KCNA7: variants seen among roughly 807,000 people sequenced by gnomAD.
KCNA7 encodes potassium channel, voltage gated shaker related subfamily A, member 7.
KCNA7 carries 15 observed loss-of-function variants against 21.5 expected under a neutral mutation model. The observed-to-expected ratio is 0.70, with a 90% CI of 0.47 to 1.07. The LOEUF (loss-of-function observed/expected upper bound fraction) is 1.07, where lower values mean the gene tolerates loss of function less well. KCNA7 is among the 50% of genes least tolerant of loss of function. The probability of loss-of-function intolerance (pLI) is 0.00; values close to 1 mark genes in which losing one functional copy is unlikely to be tolerated. For missense variants in KCNA7, 640 were observed against 651.6 expected (o/e 0.98, Z 0.19); for synonymous variants, 298 against 291.0 (o/e 1.02, Z -0.24).
chr19:49,070,395 C>T lies in KCNA7; in HGVS notation c.1039G>A (p.Glu347Lys). Reference sequence around the variant, plus strand: ...GTGACTACCGCCCACCAGAAGGACTCAGGGATGCTAGTGAAATGGGAGTCC... The same window carrying T: ...GTGACTACCGCCCACCAGAAGGACTTAGGGATGCTAGTGAAATGGGAGTCC... ...RVDSHFTSIP[E>K]SFWWAVVTMT... is the part of the protein sequence containing the mutation. Residue 347 changes from glutamate to lysine, a missense_variant, in exon 2 of 2, where the codon GAG (glutamate) becomes AAG (lysine). Transcript: ENST00000221444. This position sits in a 1 kb window ranked among gnomAD's most constrained non-coding sequence, Gnocchi z 4.3. 6.2e-7 allele frequency: 1 copy of T among 1,614,098 alleles called. No individual in the cohort carries two copies.
Position 49,069,994 on chromosome 19 carries a change from T to A in KCNA7, c.*69A>T. 10 of 1,222,906 alleles carry A rather than the reference T, an allele frequency of 8.2e-6. No individual in the cohort carries two copies. The highest frequency in any genetic ancestry group is 1.0e-5 in the Non-Finnish European group (9 of 861,900). The allele number at this position is 1,222,906 out of a possible 1,614,324, so 75.8% of individuals were successfully genotyped here. On this transcript the variant is annotated 3_prime_UTR_variant, in exon 2 of 2. Transcript: ENST00000221444. ...TAAACCCAATCCCCTCCCCCCAGCC[T>A]TGCCCTCCACCCTGCCCTCCCTCCC...
Position 49,070,654 on chromosome 19 carries a change from C to T in KCNA7, c.780G>A (p.Glu260=), listed in dbSNP as rs1361297922. 12 of 1,614,188 alleles carry T rather than the reference C, an allele frequency of 7.4e-6. No homozygotes were observed. Among genetic ancestry groups the T allele is most frequent in the Non-Finnish European group, 1.0e-5 (12 of 1,180,030 alleles). The change falls in exon 2 of 2, where the codon GAG becomes GAA. Residue 260 remains glutamate, a synonymous_variant. Coordinates refer to ENST00000221444, the MANE Select transcript of KCNA7 (RefSeq NM_031886.3). This position sits in a 1 kb window ranked among gnomAD's most constrained non-coding sequence, Gnocchi z 4.3. The part of the protein sequence containing the change: ...ILPYFVALGT[E]LARQRGVGQQ... Reference sequence around the variant, plus strand: ...GGCCCACCCCTCGCTGCCGGGCCAGCTCGGTGCCCAGTGCCACAAAGTAGG... The same window carrying T: ...GGCCCACCCCTCGCTGCCGGGCCAGTTCGGTGCCCAGTGCCACAAAGTAGG...
Position 49,072,306 on chromosome 19 carries a change from C to T in KCNA7, c.280G>A (p.Ala94Thr). 6.3e-7 allele frequency: 1 copy of T among 1,587,584 alleles called. No individual in the cohort carries two copies. The highest frequency in any genetic ancestry group is 8.5e-7 in the Non-Finnish European group (1 of 1,171,528). Residue 94 changes from alanine (A) to threonine (T), a missense_variant, in exon 1 of 2, where the codon GCC becomes ACC. Ala to Thr is a moderately conservative substitution (Grantham distance 58). Transcript: ENST00000221444. ...GCCGCCGCGCCCAGCCCGTAGAAGGCCACCTCTTCCAGGAAGACGTCGAGC... is the reference window on the plus strand; with the variant it reads ...GCCGCCGCGCCCAGCCCGTAGAAGGTCACCTCTTCCAGGAAGACGTCGAGC... ...VPLDVFLEEV[A>T]FYGLGAAALA...
chr19:49,068,695 A>C lies in KCNA7; in HGVS notation c.*1368T>G, dbSNP rs1307873255. ...GCGTCTCTGCCATACCCCACCCTCC[A>C]GGTCATTGTCTCCCTCTCCCTGAGT... On this transcript the variant is annotated 3_prime_UTR_variant, in exon 2 of 2. Transcript: ENST00000221444. 7 of 151,900 alleles carry C rather than the reference A, an allele frequency of 4.6e-5. No individual in the cohort carries two copies. Among genetic ancestry groups the C allele is most frequent in the African/African-American group, 1.7e-4 (7 of 41,250 alleles). 9.4% of individuals were successfully genotyped at this position (151,900 alleles called of 1,614,324 possible). A position where few individuals can be genotyped will look rare whatever the true frequency, so the allele number is the denominator to read the frequency against.
chr19:49,070,626 G>C lies in KCNA7; in HGVS notation c.808C>G (p.Gln270Glu). The C allele has an allele frequency of 1.2e-6, 2 of 1,614,208 alleles. No homozygotes were observed. The highest frequency in any genetic ancestry group is 1.7e-6 in the Non-Finnish European group (2 of 1,180,040). The change falls in exon 2 of 2, where the codon CAG becomes GAG. Residue 270 changes from glutamine (Q) to glutamate (E), a missense_variant. Physicochemically the swap from Gln to Glu is conservative, Grantham distance 29. Transcript: ENST00000221444. This position sits in a 1 kb window ranked among gnomAD's most constrained non-coding sequence, Gnocchi z 4.3. ...CTCAGGATGGCCAGTGACATGGCCT[G>C]CTGGCCCACCCCTCGCTGCCGGGCC... is the stretch of plus-strand genomic sequence containing the variant. ...ELARQRGVGQ[Q>E]AMSLAILRVI...
In KCNA7 at chr19:49,069,950, G is replaced by T; in HGVS notation, c.*113C>A. On this transcript the variant is annotated 3_prime_UTR_variant, in exon 2 of 2. Coordinates refer to ENST00000221444, the MANE Select transcript of KCNA7 (RefSeq NM_031886.3). ...GACTCAGTGTTTCCCCACTCGTTAC[G>T]ACTTAACCTAGCTCTTCCTAAACCC... 1.2e-6 allele frequency: 1 copy of T among 814,522 alleles called. No individual in the cohort carries two copies. 50.5% of individuals were successfully genotyped at this position (814,522 alleles called of 1,614,324 possible). A position where few individuals can be genotyped will look rare whatever the true frequency, so the allele number is the denominator to read the frequency against.
rs374770795 is a variant in KCNA7 at position 49,070,342 on chromosome 19, C to T, written c.1092G>A (p.Met364Ile). ...VTMTTVGYGDMAPVTVGGKIV... is the reference protein window; with the variant it reads ...VTMTTVGYGDIAPVTVGGKIV... Reference sequence around the variant, plus strand: ...TCTTGCCACCCACAGTGACGGGTGCCATGTCTCCATAGCCAACTGTAGTCA... The same window carrying T: ...TCTTGCCACCCACAGTGACGGGTGCTATGTCTCCATAGCCAACTGTAGTCA... Residue 364 changes from methionine (M) to isoleucine (I), a missense_variant, in exon 2 of 2, where the codon ATG becomes ATA. Transcript: ENST00000221444. This position sits in a 1 kb window ranked among gnomAD's most constrained non-coding sequence, Gnocchi z 4.3. 3 of 1,614,070 alleles carry T rather than the reference C, an allele frequency of 1.9e-6. No homozygotes were observed. The African/African-American group carries it at 4.0e-5, about 22-fold the overall frequency.
rs2040246950 is a variant in KCNA7 at position 49,070,224 on chromosome 19, C to T, written c.1210G>A (p.Glu404Lys). ...ATCCCAGCCTCTTCGCCCTCTGTCT[C>T]CCGGTGATAAAAGTAGCTGAAATTG... Reference protein sequence around the residue: ...VSNFSYFYHRETEGEEAGMFS... With the variant: ...VSNFSYFYHRKTEGEEAGMFS... Residue 404 changes from glutamate (E) to lysine (K), a missense_variant, in exon 2 of 2, where the codon GAG (glutamate) becomes AAG (lysine). Physicochemically the swap from Glu to Lys is moderately conservative, Grantham distance 56. Coordinates refer to ENST00000221444, the MANE Select transcript of KCNA7 (RefSeq NM_031886.3). The surrounding 1 kb of genome is among the most constrained non-coding windows in gnomAD (Gnocchi z 4.3). The T allele has an allele frequency of 6.2e-7, 1 of 1,614,118 alleles. No individual in the cohort carries two copies. Among genetic ancestry groups the T allele is most frequent in the African/African-American group, 1.3e-5 (1 of 74,934 alleles).
At chr19:49,071,424 C>T (rs2040256699) in intron 1 of KCNA7, among the ~76,000 whole-genome samples, 1 of 152,048 alleles carries the variant, frequency 6.6e-6, no homozygotes, top group Admixed American at 6.6e-5. Flanking sequence ...GGCGTGGTGG[C>T]CTGCACCTGT....
rs199663901 is a variant in KCNA7 at position 49,072,157 on chromosome 19, G to A, written c.429C>T (p.Arg143=). 133 of 1,612,086 alleles carry A rather than the reference G, an allele frequency of 8.3e-5. No homozygotes were observed. The highest frequency in any genetic ancestry group is 1.7e-4 in the Admixed American group (10 of 59,984). The change falls in exon 1 of 2, where the codon CGC becomes CGT. Residue 143 remains arginine, a synonymous_variant. Transcript: ENST00000221444. ...FEFPESSQAA[R]VLAVVSVLVI... ...CCAGCACGGAGACTACGGCGAGCACGCGCGCGGCCTGAGAGCTCTCGGGAA... is the reference window on the plus strand; with the variant it reads ...CCAGCACGGAGACTACGGCGAGCACACGCGCGGCCTGAGAGCTCTCGGGAA...
chr19:49,072,072 G>T lies in KCNA7; in HGVS notation c.514C>A (p.Arg172Ser). ...LETLPDFRDD[R>S]DGTGLAAAAA... ...GCAGCAGCAAGCCCCGTGCCGTCGC[G>T]GTCGTCGCGGAAGTCAGGCAGCGTC... Residue 172 changes from arginine (R) to serine (S), a missense_variant, in exon 1 of 2, where the codon CGC (arginine) becomes AGC (serine). Coordinates refer to ENST00000221444, the MANE Select transcript of KCNA7 (RefSeq NM_031886.3). The T allele has an allele frequency of 6.2e-7, 1 of 1,610,164 alleles. No individual in the cohort carries two copies. Among genetic ancestry groups the T allele is most frequent in the East Asian group, 2.2e-5 (1 of 44,790 alleles).
In KCNA7 at chr19:49,068,674, C is replaced by T. The variant is rs1042548773; in HGVS notation, c.*1389G>A. On this transcript the variant is annotated 3_prime_UTR_variant, in exon 2 of 2. Transcript: ENST00000221444. ...GGATTTCTGTTCCTCTCTTCTGCGT[C>T]TCTGCCATACCCCACCCTCCAGGTC... 6.6e-6 allele frequency: 1 copy of T among 152,368 alleles called. No homozygotes were observed. The highest frequency in any genetic ancestry group is 2.4e-5 in the African/African-American group (1 of 41,416). 9.4% of individuals were successfully genotyped at this position (152,368 alleles called of 1,614,324 possible). A position where few individuals can be genotyped will look rare whatever the true frequency, so the allele number is the denominator to read the frequency against.
At position 49,070,940 on chromosome 19, in the gene KCNA7, A is replaced by C; in HGVS notation, c.556-62T>G. 8 of 1,381,892 alleles carry C rather than the reference A, an allele frequency of 5.8e-6. No individual in the cohort carries two copies. Among genetic ancestry groups the C allele is most frequent in the Non-Finnish European group, 7.9e-6 (8 of 1,013,532 alleles). The allele number at this position is 1,381,892 out of a possible 1,614,324, so 85.6% of individuals were successfully genotyped here. On this transcript the variant is annotated intron_variant, in intron 1 of 1. Coordinates refer to ENST00000221444, the MANE Select transcript of KCNA7 (RefSeq NM_031886.3). The surrounding 1 kb of genome is among the most constrained non-coding windows in gnomAD (Gnocchi z 4.3). ...GGGCTAGGACACGGGGACAGCCTTA[A>C]TCATCATTTAAATACCCAGCTCCTC...
rs758711505 is a variant in KCNA7, at chr19:49,072,364, G to A, written c.222C>T (p.Ser74=). The change falls in exon 1 of 2, where the codon TCC becomes TCT. Residue 74 remains serine, a synonymous_variant. Coordinates refer to ENST00000221444, the MANE Select transcript of KCNA7 (RefSeq NM_031886.3). ...GCGCCGGCCGCCGCAGCCGCCCACC[G>A]GACTGGTAGTAGTAGAGCACGGCGT... ...SFDAVLYYYQ[S]GGRLRRPAHV... 22 of 1,593,970 alleles carry A rather than the reference G, an allele frequency of 1.4e-5. No individual in the cohort carries two copies. The Admixed American group carries it at 1.9e-4, about 14-fold the overall frequency.
At position 49,070,111 on chromosome 19, in the gene KCNA7, T is replaced by C. The variant is rs755932407; in HGVS notation, c.1323A>G (p.Pro441=). The change falls in exon 2 of 2, where the codon CCA becomes CCG. Residue 441 remains proline (P), a synonymous_variant. Coordinates refer to ENST00000221444, the MANE Select transcript of KCNA7 (RefSeq NM_031886.3). The surrounding 1 kb of genome is among the most constrained non-coding windows in gnomAD (Gnocchi z 4.3). ...TCCCTGGGGGTGCCCAGAGTGGAGG[T>C]GGTAGCTCAGGTACCTCCCCGTCCA... ...GLVDGEVPEL[P]PPLWAPPGKH... 6.2e-7 allele frequency: 1 copy of C among 1,612,218 alleles called. No individual in the cohort carries two copies. Among genetic ancestry groups the C allele is most frequent in the East Asian group, 2.2e-5 (1 of 44,796 alleles).
Position 49,070,379 on chromosome 19 carries a change from G to A in KCNA7, c.1055C>T (p.Ala352Val), listed in dbSNP as rs1263211065. Reference sequence around the variant, plus strand: ...GCCAACTGTAGTCATGGTGACTACCGCCCACCAGAAGGACTCAGGGATGCT... The same window carrying A: ...GCCAACTGTAGTCATGGTGACTACCACCCACCAGAAGGACTCAGGGATGCT... ...FTSIPESFWW[A>V]VVTMTTVGYG... Residue 352 changes from alanine to valine, a missense_variant, in exon 2 of 2, where the codon GCG becomes GTG. Transcript: ENST00000221444. The surrounding 1 kb of genome is among the most constrained non-coding windows in gnomAD (Gnocchi z 4.3). The A allele has an allele frequency of 5.6e-6, 9 of 1,613,962 alleles. No homozygotes were observed. The highest frequency in any genetic ancestry group is 2.7e-5 in the African/African-American group (2 of 74,912).
At chr19:49,071,193 A>G (rs2040255405) in intron 1 of KCNA7, among the ~76,000 whole-genome samples, 1 of 151,966 alleles carries the variant, frequency 6.6e-6, no homozygotes, top group Non-Finnish European at 1.5e-5. Context: ...GATTTTCTAG[A>G]TGGGGAGCAT....
rs765554335 is a variant in KCNA7, at chr19:49,070,072, G to A, written c.1362C>T (p.Thr454=). ...AGACCTCAACTGTTCCTCACACTTC[G>A]GTGACCAGGTGTTTCCCTGGGGGTG... ...LWAPPGKHLV[T]EV Residue 454 remains threonine, a synonymous_variant, in exon 2 of 2, where the codon ACC becomes ACT. Coordinates refer to ENST00000221444, the MANE Select transcript of KCNA7 (RefSeq NM_031886.3). This position sits in a 1 kb window ranked among gnomAD's most constrained non-coding sequence, Gnocchi z 4.3. 2.2e-5 allele frequency: 35 copies of A among 1,603,170 alleles called. No homozygotes were observed. The highest frequency in any genetic ancestry group is 2.6e-5 in the Non-Finnish European group (31 of 1,173,028).
At chr19:49,071,908 CTG>C in intron 1 of KCNA7, 121 bp downstream of exon 1, 6 of 926,922 alleles carry the variant, frequency 6.5e-6, no homozygotes, top group Middle Eastern at 3.4e-4. Flanking sequence ...CCCGCCCACC[CTG>C]TCTTCGGCTG....
Sources: allele counts gnomAD v4.1 joint callset (sites outside exome capture counted in the v4.1 genomes callset), GRCh38; gene constraint gnomAD v4.1.1; non-coding constraint Gnocchi (gnomAD v3.1); transcripts MANE v1.5; gene names NCBI Gene and HGNC (gene_info 2026-07-23, HGNC 2026-07-21).